Variants in PLPP1 observed in about 807,000 individuals in gnomAD.
PLPP1 encodes the protein lipid phosphate phosphohydrolase 1a.
PLPP1 carries 24 observed loss-of-function variants against 31.2 expected under a neutral mutation model. That is an observed-to-expected ratio of 0.77 (90% CI 0.56 to 1.08). The LOEUF (loss-of-function observed/expected upper bound fraction) is 1.08. Ranked by LOEUF, PLPP1 falls within the 50% of genes least tolerant of loss-of-function variation. The pLI is 0.00. For missense variants in PLPP1, 319 were observed against 342.7 expected (o/e 0.93, Z 0.55); for synonymous variants, 146 against 126.3 (o/e 1.16, Z -1.05).
chr5:55,488,855 C>A (rs895795969), intron 1 of PLPP1, among the ~76,000 whole-genome samples: 2 of 152,078 alleles, frequency 1.3e-5, no homozygotes, highest in African/African-American at 2.4e-5. Context: ...ACAGCGAAAC[C>A]CCATTTCTAC....
chr5:55,517,526 G>C (rs116265901), intron 1 of PLPP1, among the ~76,000 whole-genome samples: 5 of 152,274 alleles, frequency 3.3e-5, no homozygotes, highest in Non-Finnish European at 7.4e-5. Context: ...TGAAACATGT[G>C]AGGATATGAA....
intron 3 of PLPP1, among the ~76,000 whole-genome samples, chr5:55,459,276 G>C (rs1201035792): frequency 6.7e-6 from 1 of 148,906 alleles, no homozygotes; most frequent in South Asian, 2.1e-4. Flanking sequence ...TGAACAGCAC[G>C]GCCACAAGAT....
chr5:55,446,954 T>A (rs1751780129), intron 3 of PLPP1, among the ~76,000 whole-genome samples: 1 of 152,198 alleles, frequency 6.6e-6, no homozygotes, highest in Non-Finnish European at 1.5e-5. Context: ...CGGCAGATAC[T>A]TTCAAGGACC....
chr5:55,470,754 ATTC>A (rs1752397830), intron 2 of PLPP1, among the ~76,000 whole-genome samples: 1 of 152,202 alleles, frequency 6.6e-6, no homozygotes, highest in African/African-American at 2.4e-5. Flanking sequence ...ATTTATGCCA[ATTC>A]TTAACCTTTC....
At chr5:55,446,300 TC>T (rs1208469506) in intron 3 of PLPP1, among the ~76,000 whole-genome samples, 6 of 152,214 alleles carry the variant, frequency 3.9e-5, no homozygotes, top group Admixed American at 3.3e-4. Flanking sequence ...TTTAGGTGTA[TC>T]TTTCATTTTG....
intron 2 of PLPP1, among the ~76,000 whole-genome samples, chr5:55,470,609 G>T (rs1031697818): frequency 6.6e-6 from 1 of 152,242 alleles, no homozygotes; most frequent in African/African-American, 2.4e-5. Flanking sequence ...TCACATCGCT[G>T]AGAGAAGCAG....
At chr5:55,484,579 G>C (rs1752737233) in intron 1 of PLPP1, 1 of 152,100 alleles carries the variant, frequency 6.6e-6, no homozygotes, top group Non-Finnish European at 1.5e-5. Context: ...CAAGGCTATA[G>C]AGTAAAAAAT....
chr5:55,502,763 A>G (rs1341561065), intron 1 of PLPP1, among the ~76,000 whole-genome samples: 1 of 152,314 alleles, frequency 6.6e-6, no homozygotes, highest in East Asian at 1.9e-4. Context: ...TTCCAGAAAC[A>G]TAAGAGGGAA....
intron 4 of PLPP1, among the ~76,000 whole-genome samples, chr5:55,436,004 AC>A (rs1439087356): frequency 2.9e-5 from 3 of 105,228 alleles, no homozygotes; most frequent in Non-Finnish European, 5.8e-5. Flanking sequence ...ACAGAGTGAG[AC>A]TCTGTCTCAG....
intron 3 of PLPP1, among the ~76,000 whole-genome samples, chr5:55,456,925 G>A (rs1752025930): frequency 1.3e-5 from 2 of 152,128 alleles, no homozygotes; most frequent in African/African-American, 4.8e-5. Context: ...ACTTTGGGAG[G>A]CTAAGGTGGG....
chr5:55,471,679 G>A (rs2111798569), intron 2 of PLPP1, among the ~76,000 whole-genome samples: 1 of 152,262 alleles, frequency 6.6e-6, no homozygotes, highest in South Asian at 2.1e-4. Context: ...TGCAACTCAT[G>A]TCAAGGCCCT....
chr5:55,506,382 G>C (rs1753280131), intron 1 of PLPP1, among the ~76,000 whole-genome samples: 1 of 151,732 alleles, frequency 6.6e-6, no homozygotes, highest in Non-Finnish European at 1.5e-5. Flanking sequence ...AGATAATCCA[G>C]TATTACACAG....
intron 1 of PLPP1, among the ~76,000 whole-genome samples, chr5:55,522,181 T>C (rs142604590): frequency 2.0e-5 from 3 of 152,342 alleles, no homozygotes; most frequent in East Asian, 3.9e-4. Context: ...CTGAACTCCA[T>C]ACACGATTCA....
intron 1 of PLPP1, among the ~76,000 whole-genome samples, chr5:55,505,367 G>A (rs950274783): frequency 1.3e-5 from 2 of 151,626 alleles, no homozygotes; most frequent in Non-Finnish European, 2.9e-5. Flanking sequence ...GCCAAGGCAG[G>A]AGGATCACTT....
chr5:55,476,871 TTCTTAGC>T (rs1752561153), intron 1 of PLPP1, among the ~76,000 whole-genome samples: 1 of 152,200 alleles, frequency 6.6e-6, no homozygotes, highest in South Asian at 2.1e-4. Flanking sequence ...TCACATTTCA[TTCTTAGC>T]TCTTTTATCT....
intron 4 of PLPP1, among the ~76,000 whole-genome samples, chr5:55,439,040 T>C (rs1433815433): frequency 6.6e-6 from 1 of 152,200 alleles, no homozygotes; most frequent in Non-Finnish European, 1.5e-5. Context: ...GCATGGTTGC[T>C]CTGGCCTGCT....
intron 1 of PLPP1, among the ~76,000 whole-genome samples, chr5:55,491,881 G>GA (rs1752899719): frequency 7.7e-6 from 1 of 129,140 alleles, no homozygotes; most frequent in African/African-American, 2.9e-5. Flanking sequence ...AAAAAAGAAA[G>GA]AAAAGAAAGA....
At chr5:55,501,045 T>C (rs998061000) in intron 1 of PLPP1, among the ~76,000 whole-genome samples, 1 of 152,324 alleles carries the variant, frequency 6.6e-6, no homozygotes, top group East Asian at 1.9e-4. Flanking sequence ...CCAGGCATGG[T>C]GGCTCACCCC....
chr5:55,453,829 T>C (rs1187201217), intron 3 of PLPP1, among the ~76,000 whole-genome samples: 1 of 152,040 alleles, frequency 6.6e-6, no homozygotes, highest in Non-Finnish European at 1.5e-5. Flanking sequence ...TGATCCCAGC[T>C]TCTCAGGAGG....
Sources: allele counts gnomAD v4.1 joint callset (sites outside exome capture counted in the v4.1 genomes callset), GRCh38; gene constraint gnomAD v4.1.1; transcripts MANE v1.5; gene names NCBI Gene and HGNC (gene_info 2026-07-23, HGNC 2026-07-21).